The following B4GALT1 variants were observed in gnomAD, a reference collection of about 807,000 sequenced individuals.
B4GALT1 encodes N-acetyllactosamine synthase.
In B4GALT1, 16 loss-of-function variants were observed where a neutral mutation model predicts 34.9. The ratio of observed to expected loss-of-function variants is 0.46; its 90% confidence interval spans 0.31 to 0.70. The LOEUF is 0.70. B4GALT1 is among the 30% of genes least tolerant of loss of function. The probability of loss-of-function intolerance (pLI) is 0.05; values close to 1 mark genes in which losing one functional copy is unlikely to be tolerated. For missense variants in B4GALT1, 445 were observed against 530.5 expected (o/e 0.84, Z 1.58); for synonymous variants, 221 against 218.1 (o/e 1.01, Z -0.12).
chr9:33,126,660 G>GTTAACCAATGTTAA, intron 2 of B4GALT1, among the ~76,000 whole-genome samples: 1 of 150,330 alleles, frequency 6.7e-6, no homozygotes, highest in Non-Finnish European at 1.5e-5. Flanking sequence ...GTTAACCATA[G>GTTAACCAATGTTAA]CAATATGGTA....
intron 1 of B4GALT1, among the ~76,000 whole-genome samples, chr9:33,166,535 T>A (rs1166412336): frequency 6.6e-6 from 1 of 152,184 alleles, no homozygotes; most frequent in African/African-American, 2.4e-5. Flanking sequence ...GACTTCCCTG[T>A]GCGGTCCCGG....
At chr9:33,165,287 T>C (rs1166935647) in intron 1 of B4GALT1, among the ~76,000 whole-genome samples, 1 of 149,574 alleles carries the variant, frequency 6.7e-6, no homozygotes, top group Non-Finnish European at 1.5e-5. Flanking sequence ...GTATTTAATG[T>C]ACACGATCTC....
Position 33,167,153 on chromosome 9 carries a change from G to C in B4GALT1, c.17C>G (p.Pro6Arg). Residue 6 changes from proline to arginine, a missense_variant, in exon 1 of 6, where the codon CCG (proline) becomes CGG (arginine). Around this residue, in one of 3 missense-constraint regions of B4GALT1, gnomAD observed 349 missense variants for 395.5 expected, o/e 0.88. Transcript: ENST00000379731. ...CATCGCGGCGCTGCCGCTCAGGAGC[G>C]GCTCCCGAAGCCTCATCTTCCCGCC... MRLREPLLSGSAAMPG... is the reference protein window; with the variant it reads MRLRERLLSGSAAMPG... 2 of 1,600,506 alleles carry C rather than the reference G, an allele frequency of 1.2e-6. No individual in the cohort carries two copies. The highest frequency in any genetic ancestry group is 1.1e-5 in the South Asian group (1 of 90,038).
At chr9:33,152,339 CAT>C (rs57415401) in intron 1 of B4GALT1, among the ~76,000 whole-genome samples, 37,309 of 143,698 alleles carry the variant, frequency 0.26, 5,138 homozygotes, top group East Asian at 0.54. Context: ...CATAACATAA[CAT>C]AACATAACAT....
the B4GALT1 span, among the ~76,000 whole-genome samples, chr9:33,176,633 C>T: frequency 3.3e-5 from 5 of 152,092 alleles, no homozygotes; most frequent in African/African-American, 1.2e-4. Flanking sequence ...ATGTTCTCAC[C>T]GATAAGTGGG....
Position 33,116,091 on chromosome 9 carries a change from C to G in B4GALT1, c.859G>C (p.Gly287Arg). The G allele has an allele frequency of 6.2e-7, 1 of 1,613,432 alleles. No homozygotes were observed. The highest frequency in any genetic ancestry group is 8.5e-7 in the Non-Finnish European group (1 of 1,179,556). ...GFSLPYVQYF[G>R]GVSALSKQQF... ...TGTTTACTTAGAGCAGAGACACCTC[C>G]AAAATACTGAACATAAGGTAGGCTG... The change falls in exon 4 of 6, where the codon GGA becomes CGA. Residue 287 changes from glycine to arginine, a missense_variant. Physicochemically the swap from Gly to Arg is moderately radical, Grantham distance 125 (BLOSUM62 -2). This residue lies in a region of B4GALT1 where 349 missense variants were observed against 395.5 expected (regional missense o/e 0.88). Coordinates refer to ENST00000379731, the MANE Select transcript of B4GALT1 (RefSeq NM_001497.4).
chr9:33,142,442 G>A (rs1840365985), intron 1 of B4GALT1, among the ~76,000 whole-genome samples: 1 of 152,144 alleles, frequency 6.6e-6, no homozygotes, highest in South Asian at 2.1e-4. Flanking sequence ...AAATAAGGAT[G>A]TCAAAACATA....
downstream of B4GALT1, chr9:33,108,636 G>C (rs1202821929): frequency 6.6e-6 from 1 of 152,118 alleles, no homozygotes; most frequent in Non-Finnish European, 1.5e-5. Flanking sequence ...AGGTGTGTGG[G>C]TGGATGCGTG....
chr9:33,149,578 C>A (rs896491293), intron 1 of B4GALT1, among the ~76,000 whole-genome samples: 1 of 152,152 alleles, frequency 6.6e-6, no homozygotes, highest in Non-Finnish European at 1.5e-5. Flanking sequence ...AGCTACTACG[C>A]CCGGCCAGAT....
chr9:33,156,756 T>A (rs908650216), intron 1 of B4GALT1, among the ~76,000 whole-genome samples: 1 of 152,212 alleles, frequency 6.6e-6, no homozygotes, highest in African/African-American at 2.4e-5. Context: ...TAAGTTTCTA[T>A]GGATGGCTAC....
chr9:33,121,463 A>G (rs946530869), intron 2 of B4GALT1, among the ~76,000 whole-genome samples: 18 of 151,660 alleles, frequency 1.2e-4, no homozygotes, highest in African/African-American at 4.4e-4. Context: ...CCAGGATTCA[A>G]GCGATTCTCC....
intron 2 of B4GALT1, among the ~76,000 whole-genome samples, chr9:33,128,670 G>A (rs1840148035): frequency 1.3e-5 from 2 of 152,162 alleles, no homozygotes; most frequent in African/African-American, 4.8e-5. Context: ...CTCCTCCCAA[G>A]CTCCGTTCCC....
intron 2 of B4GALT1, among the ~76,000 whole-genome samples, chr9:33,124,225 T>C (rs766593889): frequency 3.9e-5 from 6 of 152,102 alleles, no homozygotes; most frequent in Non-Finnish European, 8.8e-5. Flanking sequence ...GCCCCACCAC[T>C]CACAAGAGGC....
At chr9:33,153,305 C>A (rs1289092586) in intron 1 of B4GALT1, among the ~76,000 whole-genome samples, 2 of 152,074 alleles carry the variant, frequency 1.3e-5, no homozygotes, top group Non-Finnish European at 2.9e-5. Context: ...AAATCAGTAA[C>A]CTAACCTTCT....
At chr9:33,141,986 T>C (rs913477495) in intron 1 of B4GALT1, among the ~76,000 whole-genome samples, 7 of 150,056 alleles carry the variant, frequency 4.7e-5, no homozygotes, top group Non-Finnish European at 1.0e-4. Flanking sequence ...GATTTCTTTC[T>C]TTTTTTTTTC....
chr9:33,167,746 G>A (rs1358574673), upstream of B4GALT1, among the ~76,000 whole-genome samples: 11 of 152,374 alleles, frequency 7.2e-5, no homozygotes, highest in Admixed American at 7.2e-4. Context: ...TGGTTATCTG[G>A]AGTGGTTTGG....
chr9:33,116,806 A>G (rs560277572), intron 3 of B4GALT1, among the ~76,000 whole-genome samples: 19 of 141,308 alleles, frequency 1.3e-4, no homozygotes, highest in African/African-American at 4.9e-4. Context: ...CACAGGCAAG[A>G]GCCACCATGT....
intron 1 of B4GALT1, 47 bp from the exon 2 acceptor site, chr9:33,135,471 C>T: frequency 6.4e-7 from 1 of 1,551,400 alleles, no homozygotes; most frequent in Non-Finnish European, 8.9e-7. Context: ...CAGGACTCGC[C>T]ACCGCTCCAC....
At chr9:33,170,178 T>C (rs1013621592), upstream of B4GALT1, among the ~76,000 whole-genome samples, 2 of 151,268 alleles carry the variant, frequency 1.3e-5, no homozygotes, top group African/African-American at 2.4e-5. Context: ...CACCGTGTTA[T>C]CCAGAATGGT....
Sources: allele counts gnomAD v4.1 joint callset (sites outside exome capture counted in the v4.1 genomes callset), GRCh38; gene constraint gnomAD v4.1.1; regional missense constraint gnomAD v4.1.1; transcripts MANE v1.5; gene names NCBI Gene and HGNC (gene_info 2026-07-23, HGNC 2026-07-21).